The following SPAG16 variants were observed in gnomAD, a reference collection of about 807,000 sequenced individuals.
The protein encoded by SPAG16 is sperm-associated antigen 16 protein.
SPAG16 carries 86 observed loss-of-function variants against 80.4 expected under a neutral mutation model. The ratio of observed to expected loss-of-function variants is 1.07; its 90% CI spans 0.90 to 1.28. SPAG16 has a LOEUF of 1.28. SPAG16 is among the 50% of genes most tolerant of loss of function. SPAG16 has a pLI of 0.00. For synonymous variants in SPAG16, 294 were observed against 265.9 expected (o/e 1.11, Z -1.03); for missense variants, 870 against 765.3 (o/e 1.14, Z -1.61).
intron 10 of SPAG16, among the ~76,000 whole-genome samples, chr2:213,820,581 ACAT>A (rs1221740182): frequency 6.6e-6 from 1 of 152,102 alleles, no homozygotes; most frequent in Non-Finnish European, 1.5e-5. Flanking sequence ...CTTTCTAAGA[ACAT>A]CATATTATTT....
At chr2:213,966,683 TA>T (rs2044727159) in intron 12 of SPAG16, among the ~76,000 whole-genome samples, 1 of 152,198 alleles carries the variant, frequency 6.6e-6, no homozygotes, top group Admixed American at 6.5e-5. Flanking sequence ...ATTAGAGCAA[TA>T]ATCCTTATTA....
At chr2:213,856,310 G>T (rs576621578) in intron 10 of SPAG16, among the ~76,000 whole-genome samples, 1 of 152,180 alleles carries the variant, frequency 6.6e-6, no homozygotes, top group Admixed American at 6.5e-5. Context: ...CTGTGGCTTT[G>T]CAGGATACAG....
At chr2:213,786,971 G>A (rs1024304935) in intron 10 of SPAG16, among the ~76,000 whole-genome samples, 4 of 151,962 alleles carry the variant, frequency 2.6e-5, no homozygotes, top group African/African-American at 9.7e-5. Context: ...AACAAATGAA[G>A]GTTATTTATT....
chr2:213,710,671 A>T (rs116498473), intron 10 of SPAG16, among the ~76,000 whole-genome samples: 65 of 152,296 alleles, frequency 4.3e-4, no homozygotes, highest in Middle Eastern at 3.4e-3. Flanking sequence ...AAGGTAAAAT[A>T]GTTTTCCTCT....
intron 11 of SPAG16, among the ~76,000 whole-genome samples, chr2:213,905,234 A>C (rs912798997): frequency 5.9e-5 from 9 of 152,184 alleles, no homozygotes; most frequent in Non-Finnish European, 1.2e-4. Context: ...CATTTATGTC[A>C]TGCATCTATC....
intron 10 of SPAG16, among the ~76,000 whole-genome samples, chr2:213,605,123 A>G (rs1004181853): frequency 4.6e-5 from 7 of 152,138 alleles, no homozygotes; most frequent in Middle Eastern, 3.2e-3. Flanking sequence ...GTAAAGAATA[A>G]TAAGATGAAC....
At chr2:213,396,363 C>A (rs958055831) in intron 9 of SPAG16, among the ~76,000 whole-genome samples, 2 of 152,156 alleles carry the variant, frequency 1.3e-5, no homozygotes, top group Non-Finnish European at 2.9e-5. Context: ...CATTCTTTAA[C>A]ATCTTTCAAT....
chr2:213,564,907 G>C (rs567647650), intron 10 of SPAG16, among the ~76,000 whole-genome samples: 6 of 152,188 alleles, frequency 3.9e-5, no homozygotes, highest in African/African-American at 1.4e-4. Context: ...CTGTAGTCTG[G>C]CTCCTGAGCC....
chr2:214,271,571 C>A (rs190115663), intron 15 of SPAG16, among the ~76,000 whole-genome samples: 13 of 152,060 alleles, frequency 8.5e-5, no homozygotes, highest in Admixed American at 1.3e-4. Context: ...GAGGCCAAGG[C>A]GGGTGGATCA....
intron 3 of SPAG16, among the ~76,000 whole-genome samples, chr2:213,299,027 A>G (rs1320423532): frequency 6.6e-6 from 1 of 152,138 alleles, no homozygotes; most frequent in Non-Finnish European, 1.5e-5. Context: ...TTTCTCTTTT[A>G]AAGAATACTT....
At chr2:213,365,950 G>A (rs1470804581) in intron 8 of SPAG16, among the ~76,000 whole-genome samples, 7 of 149,898 alleles carry the variant, frequency 4.7e-5, no homozygotes, top group African/African-American at 1.5e-4. Flanking sequence ...AGACCATCCC[G>A]GCTAAAACGG....
At chr2:213,882,858 T>C (rs929222405) in intron 11 of SPAG16, among the ~76,000 whole-genome samples, 1 of 152,092 alleles carries the variant, frequency 6.6e-6, no homozygotes. Flanking sequence ...TGTTTCTTTG[T>C]TTTTGTTTTT....
chr2:213,413,955 A>G (rs1348191501), intron 9 of SPAG16, among the ~76,000 whole-genome samples: 1 of 152,214 alleles, frequency 6.6e-6, no homozygotes, highest in African/African-American at 2.4e-5. Flanking sequence ...GTAAAATAGA[A>G]TAGCCCTGGT....
chr2:213,402,839 A>G (rs1056093628), intron 9 of SPAG16, among the ~76,000 whole-genome samples: 2 of 152,144 alleles, frequency 1.3e-5, no homozygotes, highest in Non-Finnish European at 2.9e-5. Context: ...TTGGACATTT[A>G]GGTTGGTTCC....
intron 13 of SPAG16, among the ~76,000 whole-genome samples, chr2:214,069,986 G>A (rs999665585): frequency 1.3e-4 from 20 of 151,794 alleles, no homozygotes; most frequent in Middle Eastern, 3.5e-3. Context: ...TGTGAGTATA[G>A]TTAAGTTTAT....
chr2:213,575,323 A>G (rs927425791), intron 10 of SPAG16, among the ~76,000 whole-genome samples: 1 of 152,240 alleles, frequency 6.6e-6, no homozygotes, highest in East Asian at 1.9e-4. Context: ...TTATCCTTTT[A>G]TAGGATTTTG....
chr2:214,212,899 G>C (rs1035083644), intron 15 of SPAG16, among the ~76,000 whole-genome samples: 9 of 152,330 alleles, frequency 5.9e-5, no homozygotes, highest in Middle Eastern at 3.4e-3. Flanking sequence ...CAGCACACTA[G>C]AACATGTAAG....
intron 15 of SPAG16, among the ~76,000 whole-genome samples, chr2:214,318,149 A>G (rs913787403): frequency 2.6e-5 from 4 of 152,120 alleles, no homozygotes; most frequent in African/African-American, 9.7e-5. Flanking sequence ...CCAAATCTGG[A>G]AGCGTCTGTT....
chr2:213,683,086 T>C (rs1345062412), intron 10 of SPAG16, among the ~76,000 whole-genome samples: 2 of 152,194 alleles, frequency 1.3e-5, no homozygotes, highest in Non-Finnish European at 2.9e-5. Flanking sequence ...TTCAGTGGTA[T>C]TGCAAAAGAA....
Sources: gnomAD v4.1 joint callset for allele counts (sites outside exome capture counted in the v4.1 genomes callset) on GRCh38, gnomAD v4.1.1 for gene constraint, MANE v1.5 for transcripts, NCBI Gene and HGNC (gene_info 2026-07-23, HGNC 2026-07-21) for gene names.